Variants in PCNT observed in about 807,000 individuals in gnomAD.
PCNT encodes the protein kendrin.
In PCNT, 319 loss-of-function variants were observed where a neutral mutation model predicts 380.4. The ratio of observed to expected loss-of-function variants is 0.84; its 90% CI spans 0.77 to 0.92. The LOEUF is 0.92. PCNT is among the 40% of genes least tolerant of loss of function. The probability of loss-of-function intolerance (pLI) is 0.00; values close to 1 mark genes in which losing one functional copy is unlikely to be tolerated. For missense variants in PCNT, 4,400 were observed against 4,255.3 expected, an observed-to-expected ratio of 1.03 and a Z score of -0.95; for synonymous variants, 1,845 against 1,735.2, an observed-to-expected ratio of 1.06 and a Z score of -1.57.
At position 46,349,164 on chromosome 21, in the gene PCNT, T is replaced by C. The variant is rs764314231; in HGVS notation, c.1185T>C (p.Phe395=). 5.8e-5 allele frequency: 94 copies of C among 1,614,076 alleles called. No individual in the cohort carries two copies. The highest frequency in any genetic ancestry group is 3.8e-4 in the Admixed American group (23 of 60,024). ...AEQRAELEKI[F]QDKNQAERAL... ...AGAGAGCTGAGTTGGAGAAGATTTT[T>C]CAAGACAAAAACCAGGCTGAACGTA... The change falls in exon 7 of 47, where the codon TTT becomes TTC. Residue 395 remains phenylalanine (F), a synonymous_variant. Transcript: ENST00000359568.
intron 13 of PCNT, among the ~76,000 whole-genome samples, chr21:46,362,024 T>C (rs1233964308): frequency 6.6e-6 from 1 of 152,234 alleles, no homozygotes; most frequent in African/African-American, 2.4e-5. Context: ...CTTTGGGTTC[T>C]GTCCTGCTCC....
At chr21:46,386,516 C>T (rs965307187) in intron 17 of PCNT, among the ~76,000 whole-genome samples, 2 of 152,220 alleles carry the variant, frequency 1.3e-5, no homozygotes, top group African/African-American at 2.4e-5. Flanking sequence ...CTGGGCTGAG[C>T]GCCCAGCCCC....
rs148672646 is a variant in PCNT at position 46,441,116 on chromosome 21, C to T, written c.9623+32C>T. On this transcript the variant is annotated intron_variant, in intron 43 of 46. Transcript: ENST00000359568. ...GCCATGACGTTCAGTCAGTGCGTTC[C>T]GCGTCTGTCTCCGTGAGTGGGCAGC... 537 of 1,360,298 alleles carry T rather than the reference C, an allele frequency of 3.9e-4. 1 individual carries two copies. In the African/African-American group the frequency reaches 6.2e-3, roughly 16 times the overall value. The allele number at this position is 1,360,298 out of a possible 1,614,324, so 84.3% of individuals were successfully genotyped here.
At chr21:46,410,734 T>C (rs1052537007) in intron 27 of PCNT, among the ~76,000 whole-genome samples, 4 of 152,034 alleles carry the variant, frequency 2.6e-5, no homozygotes, top group African/African-American at 9.7e-5. Context: ...CCACGAGCAG[T>C]GTTGGGATGG....
At chr21:46,437,299 G>A (rs529423148) in intron 40 of PCNT, among the ~76,000 whole-genome samples, 3 of 123,364 alleles carry the variant, frequency 2.4e-5, no homozygotes, top group East Asian at 3.9e-4. Context: ...TGTGGTCTTC[G>A]GGGGCTGAGC....
At position 46,401,688 on chromosome 21, in the gene PCNT, G is replaced by C. The variant is rs569351854; in HGVS notation, c.4929G>C (p.Val1643=). 1.5e-5 allele frequency: 24 copies of C among 1,614,100 alleles called. 1 individual carries two copies. In the South Asian group the frequency reaches 2.4e-4, roughly 16 times the overall value. ...AGGGTCCAGAAATACAGTTAGAGGT[G>C]ACACAGAGAGCACTCCTGCGGCGCG... is the stretch of plus-strand genomic sequence containing the variant. ...PPEGPEIQLE[V]TQRALLRRES... Residue 1643 remains valine, a synonymous_variant, in exon 26 of 47, where the codon GTG becomes GTC. Transcript: ENST00000359568.
At chr21:46,407,195 G>A (rs1356926909) in intron 27 of PCNT, among the ~76,000 whole-genome samples, 1 of 152,114 alleles carries the variant, frequency 6.6e-6, no homozygotes, top group African/African-American at 2.4e-5. Context: ...TTTATATCTA[G>A]AGAGATTGAT....
intron 31 of PCNT, 49 bp downstream of exon 31, chr21:46,418,355 A>G: frequency 9.3e-7 from 1 of 1,079,260 alleles, no homozygotes; most frequent in South Asian, 1.3e-5. Context: ...GTGGTTTCCT[A>G]GCACAGAATA....
At chr21:46,369,294 G>A (rs565299835) in intron 15 of PCNT, among the ~76,000 whole-genome samples, 13 of 152,248 alleles carry the variant, frequency 8.5e-5, no homozygotes, top group African/African-American at 2.4e-4. Context: ...GGCTAGTCTC[G>A]AACTCTTGGG....
intron 6 of PCNT, 143 bp from the exon 7 acceptor site, chr21:46,348,869 G>A (rs2084170066): frequency 4.7e-6 from 3 of 632,932 alleles, no homozygotes; most frequent in Admixed American, 5.2e-5. Flanking sequence ...CAGGCGATCT[G>A]CCTGCCTCAG....
intron 21 of PCNT, among the ~76,000 whole-genome samples, chr21:46,392,908 A>G (rs1310056434): frequency 2.0e-5 from 3 of 152,030 alleles, no homozygotes; most frequent in Admixed American, 1.3e-4. Flanking sequence ...AGTCTTTTTT[A>G]ATACTCTGTT....
chr21:46,341,302 TC>T (rs2146466667), intron 3 of PCNT, among the ~76,000 whole-genome samples: 1 of 152,132 alleles, frequency 6.6e-6, no homozygotes, highest in African/African-American at 2.4e-5. Context: ...TTTTCTGTTT[TC>T]CATATGTCCG....
In PCNT at chr21:46,416,255, G is replaced by A; in HGVS notation, c.6337G>A (p.Asp2113Asn). Residue 2113 changes from aspartate to asparagine, a missense_variant, in exon 30 of 47, where the codon GAT becomes AAT. By Grantham distance (23) the Asp-to-Asn change is conservative. Coordinates refer to ENST00000359568, the MANE Select transcript of PCNT (RefSeq NM_006031.6). Reference sequence around the variant, plus strand: ...CCTGTTGGAGAGCAGCTGGAGTGATGATTCCTGTGACGGAGAAGAGCCTGA... The same window carrying A: ...CCTGTTGGAGAGCAGCTGGAGTGATAATTCCTGTGACGGAGAAGAGCCTGA... ...AHLLESSWSD[D>N]SCDGEEPDIS... 1 of 1,614,200 alleles carries A rather than the reference G, an allele frequency of 6.2e-7. No individual in the cohort carries two copies. Among genetic ancestry groups the A allele is most frequent in the Non-Finnish European group, 8.5e-7 (1 of 1,180,034 alleles).
chr21:46,391,133 C>G, intron 20 of PCNT, 31 bp from the exon 21 acceptor site: 6 of 1,546,726 alleles, frequency 3.9e-6, no homozygotes, highest in Non-Finnish European at 5.3e-6. Context: ...CCAGGACTGG[C>G]TTTGTCAGAG....
At chr21:46,345,576 C>G (rs1195538981) in intron 3 of PCNT, among the ~76,000 whole-genome samples, 1 of 152,104 alleles carries the variant, frequency 6.6e-6, no homozygotes, top group Non-Finnish European at 1.5e-5. Flanking sequence ...TTTCCTTCTT[C>G]TTTTTTTAAT....
At chr21:46,374,106 A>T (rs1353706751) in intron 15 of PCNT, among the ~76,000 whole-genome samples, 1 of 152,028 alleles carries the variant, frequency 6.6e-6, no homozygotes, top group East Asian at 1.9e-4. Flanking sequence ...GGGAGGTGGG[A>T]TGTACTCTTT....
chr21:46,337,010 G>A (rs1208068514), intron 3 of PCNT, among the ~76,000 whole-genome samples: 1 of 118,170 alleles, frequency 8.5e-6, no homozygotes, highest in Non-Finnish European at 1.9e-5. Flanking sequence ...TTGTTTGTTT[G>A]TTTTTTTGAG....
chr21:46,372,800 G>A (rs2085196506), intron 15 of PCNT, among the ~76,000 whole-genome samples: 1 of 152,156 alleles, frequency 6.6e-6, no homozygotes, highest in Non-Finnish European at 1.5e-5. Flanking sequence ...TGTGGACACT[G>A]GCCCCTCAGT....
intron 2 of PCNT, among the ~76,000 whole-genome samples, chr21:46,329,257 G>A (rs1405172210): frequency 6.6e-6 from 1 of 152,186 alleles, no homozygotes; most frequent in Non-Finnish European, 1.5e-5. Flanking sequence ...TGTTTCATCA[G>A]GTAGAGACTC....
Sources: gnomAD v4.1 joint callset for allele counts (sites outside exome capture counted in the v4.1 genomes callset) on GRCh38, gnomAD v4.1.1 for gene constraint, MANE v1.5 for transcripts, NCBI Gene and HGNC (gene_info 2026-07-23, HGNC 2026-07-21) for gene names.